Variants in SLC22A23 observed in about 807,000 individuals in gnomAD.
SLC22A23 encodes solute carrier family 22 member 23.
A neutral mutation model predicts 61.0 loss-of-function variants in SLC22A23; 26 were observed. The ratio of observed to expected loss-of-function variants is 0.43; its 90% confidence interval spans 0.31 to 0.59. The LOEUF (loss-of-function observed/expected upper bound fraction) is 0.59, where lower values mean the gene tolerates loss of function less well. SLC22A23 is among the 20% of genes least tolerant of loss of function. The probability of loss-of-function intolerance (pLI) is 0.11; values close to 1 mark genes in which losing one functional copy is unlikely to be tolerated. For synonymous variants in SLC22A23, 430 were observed against 413.9 expected (o/e 1.04, Z -0.47); for missense variants, 796 against 934.7 (o/e 0.85, Z 1.94).
intron 1 of SLC22A23, among the ~76,000 whole-genome samples, chr6:3,434,718 C>T (rs529965673): frequency 7.6e-4 from 116 of 152,300 alleles, no homozygotes; most frequent in African/African-American, 2.8e-3. Context: ...AGCACAAGGT[C>T]AGGCAGCAGA....
In SLC22A23 at chr6:3,330,437, C is replaced by T. The variant is rs1034964150; in HGVS notation, c.914-6435G>A. On this transcript the variant is annotated intron_variant, in intron 3 of 9. Transcript: ENST00000406686. This position sits in a 1 kb window ranked among gnomAD's most constrained non-coding sequence, Gnocchi z 4.7. Reference sequence around the variant, plus strand: ...GAGAACTGCAGGGAGCTTCCTCTTACTCGCTGGCCTCACCATCTCCCAGAC... The same window carrying T: ...GAGAACTGCAGGGAGCTTCCTCTTATTCGCTGGCCTCACCATCTCCCAGAC... Among the ~76,000 whole-genome samples, 1 of 152,166 alleles carries T rather than the reference C, an allele frequency of 6.6e-6. No individual in the cohort carries two copies. Among genetic ancestry groups the T allele is most frequent in the Non-Finnish European group, 1.5e-5 (1 of 68,006 alleles).
At position 3,295,717 on chromosome 6, in the gene SLC22A23, C is replaced by T. The variant is rs114891055; in HGVS notation, c.1210+2374G>A. ...TGGGAGATGTAGCAACTGAAAGACA[C>T]GCTGCCTTCCCCCACACTCAGCAGC... On this transcript the variant is annotated intron_variant, in intron 5 of 9. Transcript: ENST00000406686. Among the ~76,000 whole-genome samples the T allele has an allele frequency of 2.3e-3, 353 of 152,326 alleles. 4 individuals carry two copies. Among genetic ancestry groups the T allele is most frequent in the Middle Eastern group, 0.014 (4 of 294 alleles).
At position 3,324,342 on chromosome 6, in the gene SLC22A23, G is replaced by C. The variant is rs577576761; in HGVS notation, c.914-340C>G. Among the ~76,000 whole-genome samples the C allele has an allele frequency of 6.6e-6, 1 of 152,160 alleles. No individual in the cohort carries two copies. Among genetic ancestry groups the C allele is most frequent in the Non-Finnish European group, 1.5e-5 (1 of 68,024 alleles). ...CTTCCTCTGCTCTCCAGACGTCACT[G>C]AGCTTGCTGTCCAGCACGTTCCCCC... On this transcript the variant is annotated intron_variant, in intron 3 of 9. Transcript: ENST00000406686. This position sits in a 1 kb window ranked among gnomAD's most constrained non-coding sequence, Gnocchi z 4.3.
chr6:3,318,517 G>A lies in SLC22A23; in HGVS notation c.1082+5317C>T, dbSNP rs780944440. ...CTCACCTGCTGCTCCCACAGAAACC[G>A]CAATAAAGGCTCCTGCCCACGTTTT... On this transcript the variant is annotated intron_variant, in intron 4 of 9. Transcript: ENST00000406686. The surrounding 1 kb of genome is among the most constrained non-coding windows in gnomAD (Gnocchi z 4.3). Among the ~76,000 whole-genome samples the A allele has an allele frequency of 6.6e-5, 10 of 152,122 alleles. No individual in the cohort carries two copies. The highest frequency in any genetic ancestry group is 4.1e-4 in the South Asian group (2 of 4,828).
At chr6:3,378,138 C>G (rs1274166524) in intron 3 of SLC22A23, among the ~76,000 whole-genome samples, 1 of 152,238 alleles carries the variant, frequency 6.6e-6, no homozygotes, top group Non-Finnish European at 1.5e-5. Context: ...CCCGCAACTC[C>G]TCTTTAACAT....
chr6:3,336,549 C>G (rs1337499169), intron 3 of SLC22A23, among the ~76,000 whole-genome samples: 1 of 152,212 alleles, frequency 6.6e-6, no homozygotes, highest in Non-Finnish European at 1.5e-5. Flanking sequence ...ACTCAATGTT[C>G]CTGGCAAGCC....
intron 3 of SLC22A23, among the ~76,000 whole-genome samples, chr6:3,339,160 T>C (rs888274497): frequency 1.3e-5 from 2 of 152,200 alleles, no homozygotes; most frequent in African/African-American, 4.8e-5. Context: ...GTCAGCCTCC[T>C]ACCAATCAGG....
intron 6 of SLC22A23, among the ~76,000 whole-genome samples, chr6:3,287,711 C>A (rs1405012034): frequency 6.7e-6 from 1 of 148,944 alleles, no homozygotes; most frequent in Non-Finnish European, 1.5e-5. Context: ...TTGAGTAGAG[C>A]CGTGTTCTGC....
At chr6:3,415,986 G>T in intron 1 of SLC22A23, 131 bp from the exon 2 acceptor site, 1 of 604,636 alleles carries the variant, frequency 1.7e-6, no homozygotes, top group Non-Finnish European at 2.9e-6. Flanking sequence ...ATATACACCA[G>T]TCAGAGTCTC....
intron 1 of SLC22A23, among the ~76,000 whole-genome samples, chr6:3,435,799 A>G (rs1170586456): frequency 6.6e-6 from 1 of 152,088 alleles, no homozygotes; most frequent in Non-Finnish European, 1.5e-5. Flanking sequence ...AGAGATGATT[A>G]AAGTTAAAGT....
chr6:3,405,593 C>T (rs1357072082), intron 3 of SLC22A23, among the ~76,000 whole-genome samples: 1 of 151,356 alleles, frequency 6.6e-6, no homozygotes, highest in Non-Finnish European at 1.5e-5. Context: ...ACAACTCACT[C>T]TGTGGAGCCA....
intron 3 of SLC22A23, among the ~76,000 whole-genome samples, chr6:3,393,956 G>A (rs1219201583): frequency 6.6e-6 from 1 of 152,156 alleles, no homozygotes. Context: ...AAAGCCAACT[G>A]TGCAAACATT....
rs1224720254 is a variant in SLC22A23, at chr6:3,368,457, G to A, written c.913+41731C>T. ...TTTTCCAGGGGAAGGACCCGTAGCT[G>A]CCATCAAATTCTGGAAGGGGGTCTC... On this transcript the variant is annotated intron_variant, in intron 3 of 9. Coordinates refer to ENST00000406686, the MANE Select transcript of SLC22A23 (RefSeq NM_015482.2). 1.3e-5 allele frequency among the ~76,000 whole-genome samples: 2 copies of A among 152,212 alleles called. 1 individual carries two copies. Among genetic ancestry groups the A allele is most frequent in the Non-Finnish European group, 2.9e-5 (2 of 68,034 alleles).
chr6:3,289,891 C>T (rs1282851755), intron 5 of SLC22A23, 25 bp from the exon 6 acceptor site: 1 of 1,605,774 alleles, frequency 6.2e-7, no homozygotes, highest in Non-Finnish European at 8.5e-7. Context: ...ACCCTGTGAG[C>T]CCTGGGCAGG....
intron 4 of SLC22A23, chr6:3,311,826 T>C (rs1762381692): frequency 6.6e-6 from 1 of 152,144 alleles, no homozygotes; most frequent in Non-Finnish European, 1.5e-5. Context: ...TCTAGAAAAA[T>C]TATGGTGGAA....
intron 3 of SLC22A23, among the ~76,000 whole-genome samples, chr6:3,381,820 G>C (rs894810906): frequency 2.0e-5 from 3 of 152,092 alleles, no homozygotes; most frequent in Admixed American, 2.0e-4. Context: ...CCTCAGCCAC[G>C]CTCCTTTCAG....
At chr6:3,430,655 T>A (rs6923831) in intron 1 of SLC22A23, among the ~76,000 whole-genome samples, 45,990 of 151,804 alleles carry the variant, frequency 0.3, 8,152 homozygotes, top group East Asian at 0.48. Flanking sequence ...GGGTAAAGAG[T>A]AGCGGCAGCA....
chr6:3,363,459 G>A (rs1007755455), intron 3 of SLC22A23, among the ~76,000 whole-genome samples: 1 of 152,228 alleles, frequency 6.6e-6, no homozygotes, highest in Non-Finnish European at 1.5e-5. Context: ...TGAGGGAGAA[G>A]GGGAGGGGAT....
At chr6:3,347,354 G>A (rs902822568) in intron 3 of SLC22A23, among the ~76,000 whole-genome samples, 4 of 152,304 alleles carry the variant, frequency 2.6e-5, no homozygotes, top group Non-Finnish European at 4.4e-5. Context: ...GTGAAGAGCT[G>A]ACACAGAGAA....
Sources: gnomAD v4.1 joint callset for allele counts (sites outside exome capture counted in the v4.1 genomes callset) on GRCh38, gnomAD v4.1.1 for gene constraint, Gnocchi (gnomAD v3.1) non-coding constraint, MANE v1.5 for transcripts, NCBI Gene and HGNC (gene_info 2026-07-23, HGNC 2026-07-21) for gene names.